PNPT1: variants seen among roughly 807,000 people sequenced by gnomAD.
The protein encoded by PNPT1 is polyribonucleotide nucleotidyltransferase 1, mitochondrial.
A neutral mutation model predicts 119.5 loss-of-function variants in PNPT1; 53 were observed. The ratio of observed to expected loss-of-function variants is 0.44; its 90% CI spans 0.36 to 0.56. The LOEUF is 0.56. Among genes scored for constraint, PNPT1 ranks in the 20% least tolerant of loss-of-function variants. The pLI is 0.00. For missense variants in PNPT1, 948 were observed against 938.5 expected (o/e 1.01, Z -0.13); for synonymous variants, 357 against 322.1 (o/e 1.11, Z -1.16).
chr2:55,671,509 G>C (rs1696913531), intron 10 of PNPT1, 133 bp from the exon 11 acceptor site: 4 of 524,906 alleles, frequency 7.6e-6, no homozygotes, highest in Non-Finnish European at 1.3e-5. Context: ...ATTGGAATTG[G>C]TTCTTGATTT....
intron 1 of PNPT1, among the ~76,000 whole-genome samples, 161 bp from the exon 2 acceptor site, chr2:55,687,866 A>G (rs1177242485): frequency 6.6e-6 from 1 of 152,198 alleles, no homozygotes. Flanking sequence ...CAAAAGTAAA[A>G]GTGGAATTTA....
At chr2:55,640,485 T>C (rs1327032289) in intron 26 of PNPT1, 142 bp downstream of exon 26, 1 of 731,278 alleles carries the variant, frequency 1.4e-6, no homozygotes, top group South Asian at 1.7e-5. Flanking sequence ...GTAAAACTTT[T>C]TGCCAGCAGC....
chr2:55,643,621 T>G (rs1295886758), intron 23 of PNPT1, among the ~76,000 whole-genome samples, 196 bp from the exon 24 acceptor site: 1 of 152,018 alleles, frequency 6.6e-6, no homozygotes, highest in Non-Finnish European at 1.5e-5. Flanking sequence ...TGGTAGCATG[T>G]GCCCACCTAC....
chr2:55,648,196 G>A (rs539496452), intron 18 of PNPT1, among the ~76,000 whole-genome samples: 7 of 152,102 alleles, frequency 4.6e-5, no homozygotes, highest in Non-Finnish European at 7.3e-5. Flanking sequence ...ATAATCTTTT[G>A]TTTTCTTTAC....
chr2:55,647,880 G>C (rs1164033246), intron 18 of PNPT1, among the ~76,000 whole-genome samples: 1 of 152,116 alleles, frequency 6.6e-6, no homozygotes, highest in African/African-American at 2.4e-5. Flanking sequence ...CACCGAAGCT[G>C]AGTTGGAAGT....
chr2:55,678,456 G>A (rs931025001), intron 8 of PNPT1, among the ~76,000 whole-genome samples: 1 of 152,172 alleles, frequency 6.6e-6, no homozygotes, highest in Admixed American at 6.5e-5. Flanking sequence ...AGAAACTACT[G>A]TGTGGGGATT....
chr2:55,678,957 T>C (rs1246116127), intron 8 of PNPT1, among the ~76,000 whole-genome samples: 2 of 152,158 alleles, frequency 1.3e-5, no homozygotes, highest in Non-Finnish European at 2.9e-5. Flanking sequence ...GAAGACCCTA[T>C]GTCAAAAAGT....
In PNPT1 at chr2:55,690,344, G is replaced by T. The variant is rs576745313; in HGVS notation, c.162-2639C>A. Among the ~76,000 whole-genome samples, 4 of 18,592 alleles carry T rather than the reference G, an allele frequency of 2.2e-4. No individual in the cohort carries two copies. The South Asian group carries it at 2.6e-3, about 12-fold the overall frequency. 12.2% of individuals were successfully genotyped at this position (18,592 alleles called of 152,430 possible). The stretch of plus-strand genomic sequence containing the variant: ...TGAAACCAAGTCAGTGACCCCTGAA[G>T]ATACAGAGAAAGAGAAAGATGTTGT... On this transcript the variant is annotated intron_variant, in intron 1 of 27. Transcript: ENST00000447944.
intron 5 of PNPT1, among the ~76,000 whole-genome samples, chr2:55,683,158 G>A (rs903633882): frequency 6.6e-6 from 1 of 152,210 alleles, no homozygotes; most frequent in East Asian, 1.9e-4. Context: ...GCCTGATTTG[G>A]TCTCCACTCA....
intron 10 of PNPT1, among the ~76,000 whole-genome samples, chr2:55,671,630 C>A (rs1696916499): frequency 6.6e-6 from 1 of 152,096 alleles, no homozygotes; most frequent in South Asian, 2.1e-4. Context: ...CACTTGAGGC[C>A]AGGAGTTTGA....
chr2:55,645,044 G>A (rs548840970), intron 22 of PNPT1: 88 of 190,918 alleles, frequency 4.6e-4, no homozygotes, highest in African/African-American at 2.2e-3. Context: ...TTTTTTTTGA[G>A]ACGGAGTCTC....
chr2:55,658,082 T>TA (rs1260448203), intron 15 of PNPT1, among the ~76,000 whole-genome samples: 1 of 151,188 alleles, frequency 6.6e-6, no homozygotes, highest in African/African-American at 2.4e-5. Context: ...GTAAAAAATC[T>TA]AAAAATTAGC....
intron 13 of PNPT1, among the ~76,000 whole-genome samples, chr2:55,665,943 G>T (rs1201419496): frequency 6.6e-6 from 1 of 152,190 alleles, no homozygotes; most frequent in Non-Finnish European, 1.5e-5. Flanking sequence ...AAATACAAGA[G>T]TGGGTGCCTA....
At chr2:55,677,923 A>T (rs896224490) in intron 8 of PNPT1, among the ~76,000 whole-genome samples, 1 of 151,854 alleles carries the variant, frequency 6.6e-6, no homozygotes, top group Non-Finnish European at 1.5e-5. Context: ...TTGTATTTTT[A>T]GTAGAGACAG....
At chr2:55,691,862 ATATATATATATATATATTTT>A (rs1697612743) in intron 1 of PNPT1, among the ~76,000 whole-genome samples, 2 of 41,290 alleles carry the variant, frequency 4.8e-5, no homozygotes, top group Admixed American at 2.4e-4. Context: ...ATATATATAT[ATATATATATATATATATTTT>A]TTTTTTTTTT....
At chr2:55,675,161 T>C (rs1467113272) in intron 8 of PNPT1, among the ~76,000 whole-genome samples, 1 of 151,986 alleles carries the variant, frequency 6.6e-6, no homozygotes, top group Non-Finnish European at 1.5e-5. Context: ...CTAGCTATTC[T>C]AGAGGCTGAG....
Position 55,644,637 on chromosome 2 carries a change from C to T in PNPT1, c.1906G>A (p.Gly636Ser). 2 of 1,601,644 alleles carry T rather than the reference C, an allele frequency of 1.2e-6. No individual in the cohort carries two copies. Among genetic ancestry groups the T allele is most frequent in the Non-Finnish European group, 1.7e-6 (2 of 1,169,346 alleles). The stretch of plus-strand genomic sequence containing the variant: ...ACCCCAAACTTCATACAACTCTTAC[C>T]TGTTTCAGCCTGAAGTTTTTTTAAG... The part of the protein sequence containing the change: ...YNLKKLQAET[G>S]VTISQVDEET... Residue 636 changes from glycine to serine, a missense_variant and splice_region_variant, in exon 23 of 28, where the codon GGT becomes AGT. Gly to Ser is a moderately conservative substitution (Grantham distance 56). Coordinates refer to ENST00000447944, the MANE Select transcript of PNPT1 (RefSeq NM_033109.5).
At chr2:55,638,557 G>C (rs1695747190) in intron 26 of PNPT1, among the ~76,000 whole-genome samples, 2 of 151,770 alleles carry the variant, frequency 1.3e-5, no homozygotes, top group Non-Finnish European at 2.9e-5. Context: ...GCTAAGGTGG[G>C]AGAATCACTT....
intron 13 of PNPT1, among the ~76,000 whole-genome samples, chr2:55,665,666 C>T (rs1227250501): frequency 2.6e-5 from 4 of 152,124 alleles, no homozygotes; most frequent in African/African-American, 9.7e-5. Context: ...GAAATAGTGC[C>T]CTGGAGGTGT....
Sources: allele counts gnomAD v4.1 joint callset (sites outside exome capture counted in the v4.1 genomes callset), GRCh38; gene constraint gnomAD v4.1.1; transcripts MANE v1.5; gene names NCBI Gene and HGNC (gene_info 2026-07-23, HGNC 2026-07-21).